PRR16: variants seen among roughly 807,000 people sequenced by gnomAD.
PRR16 encodes protein Largen.
Under a neutral mutation model 18.2 loss-of-function variants are expected in PRR16, and 6 were observed. That is an observed-to-expected ratio of 0.33 (90% CI 0.18 to 0.65). The LOEUF (loss-of-function observed/expected upper bound fraction) is 0.65, where lower values mean the gene tolerates loss of function less well. PRR16 is among the 30% of genes least tolerant of loss of function. The probability of loss-of-function intolerance (pLI) is 0.74; values close to 1 mark genes in which losing one functional copy is unlikely to be tolerated. For synonymous variants in PRR16, 151 were observed against 147.8 expected (o/e 1.02, Z -0.16); for missense variants, 412 against 376.6 (o/e 1.09, Z -0.78).
At chr5:120,604,177 T>A (rs1223665547) in intron 1 of PRR16, among the ~76,000 whole-genome samples, 1 of 152,088 alleles carries the variant, frequency 6.6e-6, no homozygotes. Context: ...ATGGTTATTT[T>A]GTGGTTATCT....
At chr5:120,684,983 A>G (rs1269059464) in intron 1 of PRR16, among the ~76,000 whole-genome samples, 1 of 152,210 alleles carries the variant, frequency 6.6e-6, no homozygotes, top group Non-Finnish European at 1.5e-5. Flanking sequence ...TCATTCACCC[A>G]GTGATAGTAA....
chr5:120,726,744 G>A, the PRR16 span, among the ~76,000 whole-genome samples: 2 of 151,958 alleles, frequency 1.3e-5, no homozygotes, highest in African/African-American at 4.8e-5. Flanking sequence ...TGCCTCTTCT[G>A]ACTGACATGT....
the PRR16 span, among the ~76,000 whole-genome samples, chr5:120,749,343 G>A: frequency 1.3e-5 from 2 of 152,084 alleles, no homozygotes; most frequent in East Asian, 1.9e-4. Context: ...AGACAAAATT[G>A]TTATGTTAGG....
At chr5:120,559,029 G>A (rs1752498916) in intron 1 of PRR16, among the ~76,000 whole-genome samples, 1 of 151,682 alleles carries the variant, frequency 6.6e-6, no homozygotes, top group Non-Finnish European at 1.5e-5. Context: ...CTCGTTTTAT[G>A]TTCTGGTTGT....
At chr5:120,563,191 T>C (rs1016382110) in intron 1 of PRR16, among the ~76,000 whole-genome samples, 2 of 152,312 alleles carry the variant, frequency 1.3e-5, no homozygotes, top group African/African-American at 4.8e-5. Flanking sequence ...CTGAGTCAGA[T>C]CTGAAGCCAG....
At chr5:120,531,280 G>T (rs1161856038) in intron 1 of PRR16, among the ~76,000 whole-genome samples, 6 of 152,102 alleles carry the variant, frequency 3.9e-5, no homozygotes, top group Non-Finnish European at 7.4e-5. Context: ...AGTGGTGGTA[G>T]TTTGATGGCA....
intron 1 of PRR16, among the ~76,000 whole-genome samples, chr5:120,502,324 A>C (rs919837731): frequency 6.7e-6 from 1 of 149,792 alleles, no homozygotes; most frequent in Non-Finnish European, 1.5e-5. Context: ...ATTCCTAATT[A>C]GTAAAGAACC....
In PRR16 at chr5:120,482,382, T is replaced by G. The variant is rs1026000153; in HGVS notation, c.159+17737T>G. On this transcript the variant is annotated intron_variant, in intron 1 of 1. Transcript: ENST00000407149. The stretch of plus-strand genomic sequence containing the variant: ...GCTTATAAGCCAGAACATACAGTAT[T>G]TGATTTTCTGTTCCTGTGTTAATTT... Among the ~76,000 whole-genome samples the G allele has an allele frequency of 4.3e-4, 65 of 152,292 alleles. 1 individual carries two copies. Among genetic ancestry groups the G allele is most frequent in the African/African-American group, 1.4e-3 (58 of 41,566 alleles).
chr5:120,792,929 GA>G, the PRR16 span, among the ~76,000 whole-genome samples: 281 of 152,304 alleles, frequency 1.8e-3, no homozygotes, highest in Middle Eastern at 6.8e-3. Context: ...AGGCCAGGGG[GA>G]TCACTTGAGC....
At chr5:120,601,971 G>C (rs990852599) in intron 1 of PRR16, among the ~76,000 whole-genome samples, 1 of 152,002 alleles carries the variant, frequency 6.6e-6, no homozygotes, top group African/African-American at 2.4e-5. Flanking sequence ...CTGTAGCCTT[G>C]TAATATAGTT....
chr5:120,626,332 C>G (rs778693754), intron 1 of PRR16, among the ~76,000 whole-genome samples: 8 of 151,950 alleles, frequency 5.3e-5, no homozygotes, highest in Non-Finnish European at 1.0e-4. Flanking sequence ...ACAAAAAAAG[C>G]CCCACAGAAA....
At chr5:120,715,176 G>C in the PRR16 span, among the ~76,000 whole-genome samples, 1 of 151,408 alleles carries the variant, frequency 6.6e-6, no homozygotes, top group African/African-American at 2.4e-5. Context: ...TCCTCTGTTA[G>C]GAGTCTATAG....
At chr5:120,713,370 A>G in the PRR16 span, among the ~76,000 whole-genome samples, 38,045 of 151,896 alleles carry the variant, frequency 0.25, 5,592 homozygotes, top group East Asian at 0.64. Context: ...ATGGGCTAGG[A>G]AAAGAACATC....
chr5:120,692,879 T>C, the PRR16 span, among the ~76,000 whole-genome samples: 1 of 152,204 alleles, frequency 6.6e-6, no homozygotes, highest in Non-Finnish European at 1.5e-5. Context: ...TTGAATTCTG[T>C]CTGAGAATAG....
intron 1 of PRR16, among the ~76,000 whole-genome samples, chr5:120,476,330 A>G (rs2112804930): frequency 6.6e-6 from 1 of 152,268 alleles, no homozygotes; most frequent in Admixed American, 6.5e-5. Context: ...CATCCCAGGC[A>G]ATCTTGATAT....
chr5:120,643,193 AAAAAC>A (rs1225991830), intron 1 of PRR16, among the ~76,000 whole-genome samples: 1 of 120,364 alleles, frequency 8.3e-6, no homozygotes, highest in Non-Finnish European at 1.9e-5. Flanking sequence ...TTTTCTAAAA[AAAAAC>A]AAAACAAAAC....
intron 1 of PRR16, among the ~76,000 whole-genome samples, chr5:120,670,236 A>T (rs192587157): frequency 2.0e-5 from 3 of 152,108 alleles, no homozygotes; most frequent in Non-Finnish European, 4.4e-5. Context: ...TATTTATAGT[A>T]TCTCCCAACA....
At position 120,464,385 on chromosome 5, in the gene PRR16, G is replaced by C; in HGVS notation, c.-102G>C. 1 of 1,346,276 alleles carries C rather than the reference G, an allele frequency of 7.4e-7. No homozygotes were observed. Among genetic ancestry groups the C allele is most frequent in the Non-Finnish European group, 9.9e-7 (1 of 1,013,636 alleles). 83.4% of individuals were successfully genotyped at this position (1,346,276 alleles called of 1,614,324 possible). ...CTGCCCAGGGAGCGCCCAAGATGTG[G>C]GGGGACCGGGGCGGCAGCGGCCGTA... On this transcript the variant is annotated 5_prime_UTR_variant, in exon 1 of 2. Transcript: ENST00000407149.
At chr5:120,484,998 A>G (rs994551360) in intron 1 of PRR16, among the ~76,000 whole-genome samples, 7 of 151,828 alleles carry the variant, frequency 4.6e-5, no homozygotes, top group African/African-American at 1.4e-4. Flanking sequence ...CCATGGGAGA[A>G]GGAATAGATA....
Sources: allele counts gnomAD v4.1 joint callset (sites outside exome capture counted in the v4.1 genomes callset), GRCh38; gene constraint gnomAD v4.1.1; transcripts MANE v1.5; gene names NCBI Gene and HGNC (gene_info 2026-07-23, HGNC 2026-07-21).